GRID2: variants seen among roughly 807,000 people sequenced by gnomAD.
The protein encoded by GRID2 is glutamate ionotropic receptor delta type subunit 2.
GRID2 carries 33 observed loss-of-function variants against 114.8 expected under a neutral mutation model. That is an observed-to-expected ratio of 0.29 (90% CI 0.22 to 0.38). The LOEUF (loss-of-function observed/expected upper bound fraction) is 0.38. Ranked by LOEUF, GRID2 falls within the 10% of genes least tolerant of loss-of-function variation. The probability of loss-of-function intolerance (pLI) is 1.00; values close to 1 mark genes in which losing one functional copy is unlikely to be tolerated. For synonymous variants in GRID2, 505 were observed against 449.9 expected, an observed-to-expected ratio of 1.12 and a Z score of -1.55; for missense variants, 1,184 against 1,257.7, an observed-to-expected ratio of 0.94 and a Z score of 0.89.
chr4:93,346,329 T>G lies in GRID2; in HGVS notation c.1246-49278T>G, dbSNP rs150226116. ...TTACTATTACATTTTTAGAAATGCCTCATGGTTATATATGTGTGTGGAAAT... is the reference window on the plus strand; with the variant it reads ...TTACTATTACATTTTTAGAAATGCCGCATGGTTATATATGTGTGTGGAAAT... On this transcript the variant is annotated intron_variant, in intron 8 of 15. Transcript: ENST00000282020. Among the ~76,000 whole-genome samples the G allele has an allele frequency of 4.7e-3, 709 of 152,262 alleles. 3 individuals are homozygous for G. The highest frequency in any genetic ancestry group is 0.016 in the African/African-American group (666 of 41,568).
intron 14 of GRID2, among the ~76,000 whole-genome samples, chr4:93,628,531 A>C (rs564936344): frequency 6.6e-6 from 1 of 152,262 alleles, no homozygotes; most frequent in Non-Finnish European, 1.5e-5. Context: ...CAAATAGAAG[A>C]GACCCTTCTA....
intron 14 of GRID2, among the ~76,000 whole-genome samples, chr4:93,697,757 T>C (rs939638031): frequency 3.1e-5 from 1 of 32,520 alleles, no homozygotes; most frequent in Non-Finnish European, 5.8e-5. Flanking sequence ...TAACAATACA[T>C]TATATCTTTA....
chr4:92,794,587 C>G (rs1157992053), intron 2 of GRID2, among the ~76,000 whole-genome samples: 2 of 151,410 alleles, frequency 1.3e-5, no homozygotes. Flanking sequence ...CCAAAAACTG[C>G]CGAATATTTG....
chr4:92,918,702 C>T (rs1749032835), intron 2 of GRID2, among the ~76,000 whole-genome samples: 1 of 152,168 alleles, frequency 6.6e-6, no homozygotes, highest in Admixed American at 6.5e-5. Flanking sequence ...GGATGAAGCC[C>T]ACTGGATCAT....
intron 1 of GRID2, among the ~76,000 whole-genome samples, chr4:92,527,602 C>T (rs1432469516): frequency 2.0e-5 from 3 of 151,964 alleles, no homozygotes; most frequent in African/African-American, 4.8e-5. Context: ...CAACAGAGAA[C>T]ATTTATGACT....
intron 14 of GRID2, among the ~76,000 whole-genome samples, chr4:93,714,227 A>G (rs1728719953): frequency 6.6e-6 from 1 of 152,018 alleles, no homozygotes; most frequent in South Asian, 2.1e-4. Flanking sequence ...GCTGAGGATA[A>G]TGTCCCCCAG....
chr4:92,956,427 T>A (rs892837261), intron 2 of GRID2, among the ~76,000 whole-genome samples: 1 of 152,218 alleles, frequency 6.6e-6, no homozygotes, highest in Non-Finnish European at 1.5e-5. Flanking sequence ...CTAGCCTTAC[T>A]GTATCCACAG....
At chr4:93,731,788 C>T (rs1456138975) in intron 14 of GRID2, among the ~76,000 whole-genome samples, 1 of 152,146 alleles carries the variant, frequency 6.6e-6, no homozygotes, top group Non-Finnish European at 1.5e-5. Context: ...CTTTCCACCA[C>T]TACTAGCCCT....
At chr4:92,822,096 C>T in intron 2 of GRID2, 1 of 318,402 alleles carries the variant, frequency 3.1e-6, no homozygotes, top group South Asian at 2.5e-5. Context: ...TGCCTTGCTG[C>T]AGATTCCGAT....
chr4:92,435,176 G>A (rs1477372395), intron 1 of GRID2, among the ~76,000 whole-genome samples: 1 of 152,068 alleles, frequency 6.6e-6, no homozygotes, highest in Non-Finnish European at 1.5e-5. Flanking sequence ...CTGTTCCTGG[G>A]CCACCAAACC....
At chr4:92,627,201 G>T (rs1215346144) in intron 2 of GRID2, among the ~76,000 whole-genome samples, 1 of 152,056 alleles carries the variant, frequency 6.6e-6, no homozygotes, top group East Asian at 1.9e-4. Context: ...TATGGAATGG[G>T]CAACAAACAG....
At chr4:92,584,947 A>C (rs1455633813) in intron 1 of GRID2, among the ~76,000 whole-genome samples, 1 of 152,052 alleles carries the variant, frequency 6.6e-6, no homozygotes, top group Non-Finnish European at 1.5e-5. Context: ...ACCATCTCTA[A>C]AATTCCTTTC....
At chr4:92,805,193 C>T (rs944462843) in intron 2 of GRID2, among the ~76,000 whole-genome samples, 5 of 151,820 alleles carry the variant, frequency 3.3e-5, no homozygotes, top group Admixed American at 6.6e-5. Flanking sequence ...ACAACGATAT[C>T]GTTATTTCTC....
intron 2 of GRID2, among the ~76,000 whole-genome samples, chr4:93,033,769 T>A (rs1475393566): frequency 6.6e-6 from 1 of 152,180 alleles, no homozygotes; most frequent in African/African-American, 2.4e-5. Context: ...GTGGATGCTT[T>A]TATGGTCTTG....
chr4:92,319,476 A>G (rs943335035), intron 1 of GRID2, among the ~76,000 whole-genome samples: 6 of 152,234 alleles, frequency 3.9e-5, no homozygotes, highest in Non-Finnish European at 7.3e-5. Context: ...AGAGGCAGCA[A>G]AGAGGTTCTT....
At chr4:93,506,164 G>A (rs987232722) in intron 12 of GRID2, among the ~76,000 whole-genome samples, 8 of 152,104 alleles carry the variant, frequency 5.3e-5, no homozygotes, top group African/African-American at 1.9e-4. Context: ...CTTCCCAAGG[G>A]CATCTACTTT....
At chr4:93,330,126 T>TTAGG (rs1461277816) in intron 8 of GRID2, among the ~76,000 whole-genome samples, 1 of 152,150 alleles carries the variant, frequency 6.6e-6, no homozygotes, top group Non-Finnish European at 1.5e-5. Context: ...TTTAATCGCA[T>TTAGG]TAGGTTTAAG....
chr4:92,619,025 ATC>A (rs1352210133), intron 2 of GRID2, among the ~76,000 whole-genome samples: 4 of 150,878 alleles, frequency 2.7e-5, no homozygotes, highest in African/African-American at 9.7e-5. Flanking sequence ...TCTCTCTGAT[ATC>A]TCTGTTTAGT....
intron 8 of GRID2, among the ~76,000 whole-genome samples, chr4:93,289,623 G>T (rs1478221707): frequency 6.6e-6 from 1 of 152,072 alleles, no homozygotes; most frequent in Non-Finnish European, 1.5e-5. Context: ...TACATATGTA[G>T]GTTGTTTATA....
Sources: gnomAD v4.1 joint callset for allele counts (sites outside exome capture counted in the v4.1 genomes callset) on GRCh38, gnomAD v4.1.1 for gene constraint, MANE v1.5 for transcripts, NCBI Gene and HGNC (gene_info 2026-07-23, HGNC 2026-07-21) for gene names.